FAM171A1: variants seen among roughly 807,000 people sequenced by gnomAD.
FAM171A1 encodes the protein family with sequence similarity 171 member A1, also known as protein FAM171A1.
Under a neutral mutation model 74.9 loss-of-function variants are expected in FAM171A1, and 23 were observed. The observed-to-expected ratio is 0.31, with a 90% CI of 0.22 to 0.44. The LOEUF (loss-of-function observed/expected upper bound fraction) is 0.44, where lower values mean the gene tolerates loss of function less well. FAM171A1 is among the 20% of genes least tolerant of loss of function. FAM171A1 has a pLI of 1.00. For synonymous variants in FAM171A1, 527 were observed against 505.7 expected (o/e 1.04, Z -0.57); for missense variants, 1,162 against 1,159.2 (o/e 1.00, Z -0.03).
At chr10:15,280,866 A>T (rs1834959541) in intron 2 of FAM171A1, among the ~76,000 whole-genome samples, 1 of 152,148 alleles carries the variant, frequency 6.6e-6, no homozygotes. Flanking sequence ...AATAGGCTAA[A>T]TTTTTTTGTC....
chr10:15,305,791 G>C (rs1835287610), intron 1 of FAM171A1, among the ~76,000 whole-genome samples: 1 of 151,546 alleles, frequency 6.6e-6, no homozygotes, highest in African/African-American at 2.4e-5. Context: ...ATGCAAATTG[G>C]ACTGCCACAG....
At chr10:15,348,694 C>T (rs1207722804) in intron 1 of FAM171A1, among the ~76,000 whole-genome samples, 2 of 152,182 alleles carry the variant, frequency 1.3e-5, no homozygotes, top group Middle Eastern at 3.2e-3. Context: ...CTCTCAGGGG[C>T]CACACGGGAC....
chr10:15,295,995 G>A (rs939271050), intron 1 of FAM171A1, among the ~76,000 whole-genome samples: 2 of 152,192 alleles, frequency 1.3e-5, no homozygotes, highest in African/African-American at 4.8e-5. Context: ...GCTCTACGAG[G>A]TTTTGCCCCA....
intron 3 of FAM171A1, among the ~76,000 whole-genome samples, chr10:15,257,785 A>G (rs1834600028): frequency 6.6e-6 from 1 of 152,218 alleles, no homozygotes; most frequent in Non-Finnish European, 1.5e-5. Context: ...GAGGAATTTA[A>G]GGGTGCAAGC....
chr10:15,239,310 T>G (rs1834334157), intron 5 of FAM171A1, among the ~76,000 whole-genome samples: 1 of 151,994 alleles, frequency 6.6e-6, no homozygotes, highest in Admixed American at 6.6e-5. Context: ...TTATTTTTAT[T>G]TTTATTTTTT....
At chr10:15,258,572 G>T (rs958490056) in intron 3 of FAM171A1, among the ~76,000 whole-genome samples, 1 of 152,044 alleles carries the variant, frequency 6.6e-6, no homozygotes, top group Non-Finnish European at 1.5e-5. Context: ...CCCCATAAGC[G>T]AATGCCTTCT....
chr10:15,291,270 A>G (rs1351454411), intron 1 of FAM171A1, among the ~76,000 whole-genome samples: 1 of 152,208 alleles, frequency 6.6e-6, no homozygotes, highest in Non-Finnish European at 1.5e-5. Flanking sequence ...GCAGGTGGTC[A>G]ATAAAAGTTT....
intron 1 of FAM171A1, among the ~76,000 whole-genome samples, chr10:15,359,889 G>A (rs1351681584): frequency 6.6e-6 from 1 of 152,154 alleles, no homozygotes; most frequent in Non-Finnish European, 1.5e-5. Context: ...ATCCTGAATT[G>A]GCAAGGAACT....
In FAM171A1 at chr10:15,370,653, G is replaced by A. The variant is rs572762321; in HGVS notation, c.97+303C>T. Among the ~76,000 whole-genome samples the A allele has an allele frequency of 4.6e-3, 696 of 151,526 alleles. 8 individuals are homozygous for A. The highest frequency in any genetic ancestry group is 0.016 in the African/African-American group (645 of 41,500). On this transcript the variant is annotated intron_variant, in intron 1 of 7. Coordinates refer to ENST00000378116, the MANE Select transcript of FAM171A1 (RefSeq NM_001010924.2). ...GAGGCGCGGCATAAAGGGGACCCCC[G>A]GGCGCATCCAGACGAGCCCCCGCCG... is the stretch of plus-strand genomic sequence containing the variant.
chr10:15,312,684 T>TTG (rs1835376986), intron 1 of FAM171A1, among the ~76,000 whole-genome samples: 2 of 63,870 alleles, frequency 3.1e-5, no homozygotes, highest in Non-Finnish European at 6.7e-5. Flanking sequence ...TTTTTTTTTT[T>TTG]TTTTTTTTTT....
At chr10:15,286,880 C>T (rs1315833469) in intron 1 of FAM171A1, among the ~76,000 whole-genome samples, 1 of 151,998 alleles carries the variant, frequency 6.6e-6, no homozygotes, top group Non-Finnish European at 1.5e-5. Context: ...TGGGTGTGTA[C>T]CAAATAAATC....
chr10:15,228,691 G>C (rs1170623938), intron 5 of FAM171A1, among the ~76,000 whole-genome samples: 1 of 152,214 alleles, frequency 6.6e-6, no homozygotes, highest in East Asian at 1.9e-4. Context: ...TCAGACCTCA[G>C]AACACTGGGC....
intron 1 of FAM171A1, among the ~76,000 whole-genome samples, chr10:15,351,487 A>G (rs1212568291): frequency 2.0e-5 from 3 of 152,224 alleles, no homozygotes; most frequent in African/African-American, 7.2e-5. Context: ...AATGGATCTG[A>G]AAGCACTTGA....
chr10:15,230,066 T>C (rs960297003), intron 5 of FAM171A1, among the ~76,000 whole-genome samples: 2 of 152,230 alleles, frequency 1.3e-5, no homozygotes, highest in Non-Finnish European at 2.9e-5. Flanking sequence ...CTACCAACTG[T>C]ATATATAGAA....
chr10:15,292,811 A>G (rs377649527), intron 1 of FAM171A1, among the ~76,000 whole-genome samples: 11 of 152,244 alleles, frequency 7.2e-5, no homozygotes, highest in East Asian at 5.8e-4. Flanking sequence ...CTTAAAACAG[A>G]TAAGGATTTC....
chr10:15,325,933 C>G (rs1835550108), intron 1 of FAM171A1, among the ~76,000 whole-genome samples: 1 of 152,232 alleles, frequency 6.6e-6, no homozygotes, highest in South Asian at 2.1e-4. Context: ...CAGACTCTTA[C>G]TTGTAAACCA....
At chr10:15,302,760 T>G (rs1835247688) in intron 1 of FAM171A1, among the ~76,000 whole-genome samples, 1 of 152,232 alleles carries the variant, frequency 6.6e-6, no homozygotes. Flanking sequence ...CAGTTGCCAC[T>G]CATTTAACAT....
intron 5 of FAM171A1, among the ~76,000 whole-genome samples, chr10:15,243,859 T>C (rs916291074): frequency 1.3e-5 from 2 of 151,560 alleles, no homozygotes; most frequent in Non-Finnish European, 2.9e-5. Context: ...TACGCCATTC[T>C]CCTGTCTCAG....
intron 5 of FAM171A1, among the ~76,000 whole-genome samples, chr10:15,248,159 C>A (rs1834458882): frequency 6.6e-6 from 1 of 152,030 alleles, no homozygotes; most frequent in Non-Finnish European, 1.5e-5. Flanking sequence ...ACTGTGAAAG[C>A]CCTAGAAGGA....
Sources: gnomAD v4.1 joint callset for allele counts (sites outside exome capture counted in the v4.1 genomes callset) on GRCh38, gnomAD v4.1.1 for gene constraint, MANE v1.5 for transcripts, NCBI Gene and HGNC (gene_info 2026-07-23, HGNC 2026-07-21) for gene names.